Variants in AUTS2 observed in about 807,000 individuals in gnomAD.
The protein encoded by AUTS2 is autism susceptibility gene 2 protein.
Under a neutral mutation model 112.4 loss-of-function variants are expected in AUTS2, and 17 were observed. The ratio of observed to expected loss-of-function variants is 0.15; its 90% CI spans 0.10 to 0.23. AUTS2 has a LOEUF of 0.23. AUTS2 is among the 10% of genes least tolerant of loss of function. The pLI, the probability that AUTS2 is intolerant of heterozygous loss-of-function variation, is 1.00. For missense variants in AUTS2, 1,510 were observed against 1,701.6 expected, an observed-to-expected ratio of 0.89 and a Z score of 1.98; for synonymous variants, 751 against 702.7, an observed-to-expected ratio of 1.07 and a Z score of -1.09.
rs1244209632 is a variant in AUTS2 at position 70,517,215 on chromosome 7, T to C, written c.690+81434T>C. ...CAGCCTTGACCAGGATTCTTTCTTC[T>C]GTATATGCTCACCTGTGTACAGCAC... is the stretch of plus-strand genomic sequence containing the variant. On this transcript the variant is annotated intron_variant, in intron 5 of 18. Transcript: ENST00000342771. 2.0e-5 allele frequency among the ~76,000 whole-genome samples: 3 copies of C among 152,338 alleles called. No individual in the cohort carries two copies. The East Asian group carries it at 5.8e-4, about 29-fold the overall frequency.
intron 5 of AUTS2, among the ~76,000 whole-genome samples, chr7:70,609,590 T>G (rs10271178): frequency 0.43 from 60,997 of 143,380 alleles, 12,727 homozygotes; most frequent in African/African-American, 0.44. Context: ...GTTTTTTTTT[T>G]TTGTTGTTTT....
chr7:69,699,435 A>G (rs1193472196), intron 1 of AUTS2, among the ~76,000 whole-genome samples: 3 of 152,132 alleles, frequency 2.0e-5, no homozygotes, highest in African/African-American at 4.8e-5. Flanking sequence ...TTAGCATACT[A>G]TAAGCACTGT....
chr7:70,153,518 ATATATT>A (rs890515476), intron 4 of AUTS2, among the ~76,000 whole-genome samples: 1 of 152,186 alleles, frequency 6.6e-6, no homozygotes, highest in Non-Finnish European at 1.5e-5. Flanking sequence ...GGCTCCACAG[ATATATT>A]TATAGGTCAA....
At chr7:70,172,169 G>A (rs1348896361) in intron 4 of AUTS2, among the ~76,000 whole-genome samples, 1 of 152,104 alleles carries the variant, frequency 6.6e-6, no homozygotes, top group Admixed American at 6.6e-5. Context: ...TTCCTATATG[G>A]CCATGGAGTG....
intron 2 of AUTS2, among the ~76,000 whole-genome samples, chr7:69,915,130 G>C (rs961850353): frequency 3.9e-5 from 6 of 152,148 alleles, no homozygotes; most frequent in Admixed American, 2.0e-4. Flanking sequence ...GGCTGAGGCT[G>C]GCAGATTAAA....
chr7:70,614,855 G>A (rs958046632), intron 5 of AUTS2, among the ~76,000 whole-genome samples: 1 of 152,168 alleles, frequency 6.6e-6, no homozygotes, highest in Non-Finnish European at 1.5e-5. Context: ...CTGGCTGGTC[G>A]GCAGCCTGGC....
At chr7:70,311,272 T>C (rs1331490901) in intron 4 of AUTS2, among the ~76,000 whole-genome samples, 1 of 152,240 alleles carries the variant, frequency 6.6e-6, no homozygotes, top group Non-Finnish European at 1.5e-5. Context: ...GTATTGAGAC[T>C]ACTGTCTGGG....
At chr7:70,702,537 C>T (rs777383855) in intron 6 of AUTS2, among the ~76,000 whole-genome samples, 28 of 152,198 alleles carry the variant, frequency 1.8e-4, no homozygotes, top group Non-Finnish European at 3.8e-4. Context: ...TGGGGAAAAG[C>T]CTCCTGAGTG....
intron 2 of AUTS2, among the ~76,000 whole-genome samples, chr7:70,047,403 A>G (rs1801555256): frequency 6.6e-6 from 1 of 152,210 alleles, no homozygotes; most frequent in Admixed American, 6.5e-5. Context: ...GCTGTATTAA[A>G]TAGCAATTGC....
chr7:70,341,233 G>A (rs765176217), intron 4 of AUTS2, among the ~76,000 whole-genome samples: 18 of 152,190 alleles, frequency 1.2e-4, no homozygotes, highest in East Asian at 9.7e-4. Context: ...TCTTCTTACC[G>A]GAGTAACAGC....
chr7:70,310,816 A>G (rs1392959844), intron 4 of AUTS2, among the ~76,000 whole-genome samples: 1 of 152,160 alleles, frequency 6.6e-6, no homozygotes, highest in Non-Finnish European at 1.5e-5. Flanking sequence ...TCGGCCTGCA[A>G]AAGATAACAT....
chr7:70,528,443 A>T (rs1799946910), intron 5 of AUTS2, among the ~76,000 whole-genome samples: 1 of 152,152 alleles, frequency 6.6e-6, no homozygotes, highest in Admixed American at 6.5e-5. Context: ...TAAATACTCA[A>T]AGTGTTTATA....
intron 4 of AUTS2, among the ~76,000 whole-genome samples, chr7:70,308,448 A>G (rs1789584801): frequency 6.6e-6 from 1 of 152,350 alleles, no homozygotes; most frequent in Admixed American, 6.5e-5. Context: ...TCCATTTCTC[A>G]TATAAAGATA....
At chr7:69,816,403 G>T (rs543739014) in intron 1 of AUTS2, among the ~76,000 whole-genome samples, 2 of 152,146 alleles carry the variant, frequency 1.3e-5, no homozygotes, top group Admixed American at 1.3e-4. Flanking sequence ...TGTCTAGGAC[G>T]GAGCTGAAAC....
chr7:69,911,119 G>A (rs1196599268), intron 2 of AUTS2, among the ~76,000 whole-genome samples: 2 of 152,242 alleles, frequency 1.3e-5, no homozygotes, highest in Non-Finnish European at 2.9e-5. Context: ...AGTGAGCCTG[G>A]GGTATGGCCA....
At chr7:70,496,635 A>G (rs1798531907) in intron 5 of AUTS2, among the ~76,000 whole-genome samples, 1 of 138,604 alleles carries the variant, frequency 7.2e-6, no homozygotes. Context: ...AGGCACACAC[A>G]CACACCCCAC....
intron 5 of AUTS2, among the ~76,000 whole-genome samples, chr7:70,542,930 A>C (rs1446730837): frequency 6.6e-6 from 1 of 152,208 alleles, no homozygotes. Flanking sequence ...ATAAATAGTA[A>C]GTGAAAAAAA....
intron 4 of AUTS2, among the ~76,000 whole-genome samples, chr7:70,182,238 TGTTTAC>T (rs1474456956): frequency 9.9e-4 from 151 of 152,352 alleles, no homozygotes; most frequent in African/African-American, 3.6e-3. Flanking sequence ...CCTTTTCTCC[TGTTTAC>T]ATCTCACCCA....
intron 5 of AUTS2, among the ~76,000 whole-genome samples, chr7:70,670,417 T>G (rs1807575206): frequency 6.6e-6 from 1 of 152,118 alleles, no homozygotes; most frequent in African/African-American, 2.4e-5. Context: ...AGGCTGAAAA[T>G]TTTCATCTAG....
Sources: allele counts gnomAD v4.1 joint callset (sites outside exome capture counted in the v4.1 genomes callset), GRCh38; gene constraint gnomAD v4.1.1; transcripts MANE v1.5; gene names NCBI Gene and HGNC (gene_info 2026-07-23, HGNC 2026-07-21).